Variants in NFAM1 observed in about 807,000 individuals in gnomAD.
NFAM1 encodes the protein NFAT activating protein with ITAM motif 1.
In NFAM1, 17 loss-of-function variants were observed where a neutral mutation model predicts 29.0. That is an observed-to-expected ratio of 0.59 (90% CI 0.40 to 0.88). The LOEUF (loss-of-function observed/expected upper bound fraction) is 0.88. Among genes scored for constraint, NFAM1 ranks in the 40% least tolerant of loss-of-function variants. The pLI is 0.00. For synonymous variants in NFAM1, 175 were observed against 147.2 expected, an observed-to-expected ratio of 1.19 and a Z score of -1.36; for missense variants, 324 against 344.6, an observed-to-expected ratio of 0.94 and a Z score of 0.47.
chr22:42,397,939 T>C lies in NFAM1; in HGVS notation c.582A>G (p.Pro194=). The C allele has an allele frequency of 6.2e-6, 10 of 1,600,792 alleles. No individual in the cohort carries two copies. The highest frequency in any genetic ancestry group is 8.5e-6 in the Non-Finnish European group (10 of 1,171,058). The change falls in exon 4 of 6, where the codon CCA becomes CCG. Residue 194 remains proline, a synonymous_variant. Transcript: ENST00000329021. ...LLWNKKRMRG[P]GKDPTRKCPD... is the part of the protein sequence containing the mutation. ...GGCACTTCCTGGTGGGGTCCTTCCCTGGACCCCGCATCCGCTTCTGTAGGG... is the reference window on the plus strand; with the variant it reads ...GGCACTTCCTGGTGGGGTCCTTCCCCGGACCCCGCATCCGCTTCTGTAGGG...
At chr22:42,398,724 T>C (rs946288434) in intron 3 of NFAM1, among the ~76,000 whole-genome samples, 3 of 152,112 alleles carry the variant, frequency 2.0e-5, no homozygotes, top group African/African-American at 7.2e-5. Flanking sequence ...TGGGTCTTGG[T>C]TTCTTCAGCA....
chr22:42,382,965 G>A lies in NFAM1; in HGVS notation c.*2196C>T, dbSNP rs1290591564. ...GCCCCCAAGAACCTCCTACGCCACA[G>A]GGAGGAGTTGGAATTTTATTCCAAG... On this transcript the variant is annotated 3_prime_UTR_variant, in exon 6 of 6. Transcript: ENST00000329021. 6.6e-6 allele frequency: 1 copy of A among 152,592 alleles called. No individual in the cohort carries two copies. Among genetic ancestry groups the A allele is most frequent in the African/African-American group, 2.4e-5 (1 of 41,450 alleles). The allele number at this position is 152,592 out of a possible 1,614,324, so 9.5% of individuals were successfully genotyped here.
chr22:42,420,022 T>TGAGGCAGAA (rs1930392842), intron 1 of NFAM1, among the ~76,000 whole-genome samples: 3 of 96,870 alleles, frequency 3.1e-5, no homozygotes, highest in Non-Finnish European at 3.9e-5. Context: ...TTTTTTTTTT[T>TGAGGCAGAA]TTTTCTGAGG....
At chr22:42,417,766 G>A (rs916113217) in intron 1 of NFAM1, among the ~76,000 whole-genome samples, 3 of 152,174 alleles carry the variant, frequency 2.0e-5, no homozygotes, top group Non-Finnish European at 4.4e-5. Flanking sequence ...GCAGGGAGAG[G>A]GGAGAGGGCA....
At chr22:42,392,991 G>A (rs1379108776) in intron 4 of NFAM1, among the ~76,000 whole-genome samples, 1 of 151,808 alleles carries the variant, frequency 6.6e-6, no homozygotes, top group Non-Finnish European at 1.5e-5. Flanking sequence ...GTAGAGAGGG[G>A]GTTTCATCAT....
At position 42,419,657 on chromosome 22, in the gene NFAM1, C is replaced by T. The variant is rs942708775; in HGVS notation, c.122-7921G>A. ...CCACTCCTGCGTAGACGTCAGCCTG[C>T]CACACTCCGGCGCCTTCGCCCGTGC... is the stretch of plus-strand genomic sequence containing the variant. On this transcript the variant is annotated intron_variant, in intron 1 of 5. Coordinates refer to ENST00000329021, the MANE Select transcript of NFAM1 (RefSeq NM_145912.8). This position sits in a 1 kb window ranked among gnomAD's most constrained non-coding sequence, Gnocchi z 4.5. 6.6e-6 allele frequency among the ~76,000 whole-genome samples: 1 copy of T among 152,180 alleles called. No homozygotes were observed. Among genetic ancestry groups the T allele is most frequent in the Admixed American group, 6.5e-5 (1 of 15,278 alleles).
upstream of NFAM1, among the ~76,000 whole-genome samples, chr22:42,434,939 G>A (rs1177919764): frequency 6.6e-6 from 1 of 152,218 alleles, no homozygotes; most frequent in East Asian, 1.9e-4. Flanking sequence ...CACCTGCCCT[G>A]CCCTGGGCCC....
chr22:42,436,932 T>A (rs183034624), upstream of NFAM1: 1,094 of 816,548 alleles, frequency 1.3e-3, 8 homozygotes, highest in African/African-American at 0.018. Context: ...ACATATTTAG[T>A]GAGGGAGAAA....
At position 42,384,236 on chromosome 22, in the gene NFAM1, T is replaced by C. The variant is rs1601729229; in HGVS notation, c.*925A>G. ...CAGGATAGGCCAGACAGAAGGGACT[T>C]TGGGGGACTCCACCTTGGGTAGAAG... On this transcript the variant is annotated 3_prime_UTR_variant, in exon 6 of 6. Coordinates refer to ENST00000329021, the MANE Select transcript of NFAM1 (RefSeq NM_145912.8). 1 of 153,334 alleles carries C rather than the reference T, an allele frequency of 6.5e-6. No homozygotes were observed. Among genetic ancestry groups the C allele is most frequent in the East Asian group, 1.9e-4 (1 of 5,180 alleles). The allele number at this position is 153,334 out of a possible 1,614,324, so 9.5% of individuals were successfully genotyped here. A position where few individuals can be genotyped will look rare whatever the true frequency, so the allele number is the denominator to read the frequency against.
At chr22:42,423,205 C>G (rs1036787852) in intron 1 of NFAM1, among the ~76,000 whole-genome samples, 3 of 151,370 alleles carry the variant, frequency 2.0e-5, no homozygotes, top group African/African-American at 7.3e-5. Context: ...CAAAGTCTCA[C>G]CAAGGAGGGC....
At chr22:42,422,328 G>A (rs188267973) in intron 1 of NFAM1, among the ~76,000 whole-genome samples, 9 of 152,240 alleles carry the variant, frequency 5.9e-5, no homozygotes, top group African/African-American at 1.9e-4. Context: ...AGTCAAGGCC[G>A]GGCGCAGGTG....
At chr22:42,420,002 T>TG (rs1930387974) in intron 1 of NFAM1, among the ~76,000 whole-genome samples, 3 of 130,918 alleles carry the variant, frequency 2.3e-5, no homozygotes, top group Non-Finnish European at 3.3e-5. Context: ...TTTTTTTTTT[T>TG]TTTTTTTTTT....
At chr22:42,429,153 G>A (rs544070877) in intron 1 of NFAM1, among the ~76,000 whole-genome samples, 3 of 152,332 alleles carry the variant, frequency 2.0e-5, no homozygotes, top group East Asian at 3.9e-4. Context: ...TGGCTCTGGC[G>A]AGGCTGGCAG....
rs146570297 is a variant in NFAM1, at chr22:42,392,956, T to C, written c.663+4902A>G. ...CTGAGGCAACAGGTGTGCACCACCA[T>C]GCCTGGCTAATTTTTGTATTTTTAG... is the stretch of plus-strand genomic sequence containing the variant. On this transcript the variant is annotated intron_variant, in intron 4 of 5. Coordinates refer to ENST00000329021, the MANE Select transcript of NFAM1 (RefSeq NM_145912.8). Among the ~76,000 whole-genome samples the C allele has an allele frequency of 5.9e-4, 90 of 152,126 alleles. No homozygotes were observed. The East Asian group carries it at 0.016, about 26-fold the overall frequency.
intron 3 of NFAM1, among the ~76,000 whole-genome samples, chr22:42,406,447 C>T (rs761781543): frequency 1.3e-5 from 2 of 152,188 alleles, no homozygotes; most frequent in Admixed American, 1.3e-4. Flanking sequence ...CTGGCTGCAT[C>T]TCCTTCCACT....
intron 1 of NFAM1, among the ~76,000 whole-genome samples, chr22:42,417,010 C>G (rs991606663): frequency 1.3e-5 from 2 of 152,112 alleles, no homozygotes; most frequent in Non-Finnish European, 2.9e-5. Flanking sequence ...GGGGCCCCAA[C>G]GGACTCCACG....
chr22:42,433,067 C>A (rs1390118881), upstream of NFAM1, among the ~76,000 whole-genome samples: 1 of 152,192 alleles, frequency 6.6e-6, no homozygotes, highest in Non-Finnish European at 1.5e-5. Context: ...GTGAGACCCT[C>A]GAACTGCTTC....
intron 5 of NFAM1, among the ~76,000 whole-genome samples, chr22:42,385,823 G>T (rs114334782): frequency 6.6e-6 from 1 of 152,150 alleles, no homozygotes; most frequent in African/African-American, 2.4e-5. Context: ...AGTATAGAAA[G>T]GGCTTTGAGA....
chr22:42,387,248 C>A (rs1929181705), intron 4 of NFAM1, among the ~76,000 whole-genome samples, 170 bp from the exon 5 acceptor site: 1 of 152,228 alleles, frequency 6.6e-6, no homozygotes. Flanking sequence ...CACCTTTCCC[C>A]TTCCCTGCCT....
Sources: gnomAD v4.1 joint callset for allele counts (sites outside exome capture counted in the v4.1 genomes callset) on GRCh38, gnomAD v4.1.1 for gene constraint, Gnocchi (gnomAD v3.1) non-coding constraint, MANE v1.5 for transcripts, NCBI Gene and HGNC (gene_info 2026-07-23, HGNC 2026-07-21) for gene names.